GRM7: variants seen among roughly 807,000 people sequenced by gnomAD.
GRM7 encodes glutamate metabotropic receptor 7, also known as metabotropic glutamate receptor 7.
A neutral mutation model predicts 84.5 loss-of-function variants in GRM7; 35 were observed. The observed-to-expected ratio is 0.41, with a 90% CI of 0.32 to 0.55. The LOEUF (loss-of-function observed/expected upper bound fraction) is 0.55, where lower values mean the gene tolerates loss of function less well. Ranked by LOEUF, GRM7 falls within the 20% of genes least tolerant of loss-of-function variation. The pLI is 0.19. For synonymous variants in GRM7, 487 were observed against 455.1 expected, an observed-to-expected ratio of 1.07 and a Z score of -0.89; for missense variants, 1,003 against 1,194.6, an observed-to-expected ratio of 0.84 and a Z score of 2.36.
At chr3:6,951,038 C>T (rs546407333) in intron 1 of GRM7, among the ~76,000 whole-genome samples, 21 of 152,286 alleles carry the variant, frequency 1.4e-4, no homozygotes, top group East Asian at 3.9e-4. Context: ...CTTCGGCTCA[C>T]GCACAGTGCG....
At chr3:7,356,297 A>ATTTTT (rs1011380269) in intron 4 of GRM7, among the ~76,000 whole-genome samples, 6 of 149,024 alleles carry the variant, frequency 4.0e-5, no homozygotes, top group African/African-American at 1.5e-4. Context: ...GCAGAGGAGG[A>ATTTTT]TTTTTTTTTT....
chr3:7,169,994 TG>T (rs375481268), intron 2 of GRM7, among the ~76,000 whole-genome samples: 285 of 152,342 alleles, frequency 1.9e-3, no homozygotes, highest in African/African-American at 6.5e-3. Context: ...TACAGACCCC[TG>T]GGCCTCATCC....
chr3:7,613,609 C>G (rs2125081801), intron 8 of GRM7, among the ~76,000 whole-genome samples: 1 of 152,228 alleles, frequency 6.6e-6, no homozygotes, highest in African/African-American at 2.4e-5. Context: ...GCTTTAACAA[C>G]AAGGGAAGAT....
intron 1 of GRM7, among the ~76,000 whole-genome samples, chr3:7,063,716 TTGGGAGAGA>T (rs1697515081): frequency 2.0e-5 from 1 of 49,616 alleles, no homozygotes; most frequent in African/African-American, 1.1e-4. Context: ...AAACTCCCAG[TTGGGAGAGA>T]CCCAAGGTCA....
chr3:7,643,314 G>A (rs1011524754), intron 8 of GRM7, among the ~76,000 whole-genome samples: 5 of 112,818 alleles, frequency 4.4e-5, no homozygotes, highest in Non-Finnish European at 9.0e-5. Flanking sequence ...TACGCAGGGA[G>A]CCCAATGAAA....
intron 1 of GRM7, among the ~76,000 whole-genome samples, chr3:6,883,431 C>T (rs1695583875): frequency 1.3e-5 from 2 of 152,110 alleles, no homozygotes; most frequent in African/African-American, 2.4e-5. Flanking sequence ...CACTCTCTTA[C>T]ATTTTATAAT....
At chr3:7,653,553 G>C (rs1432919204) in intron 8 of GRM7, among the ~76,000 whole-genome samples, 1 of 152,114 alleles carries the variant, frequency 6.6e-6, no homozygotes, top group African/African-American at 2.4e-5. Flanking sequence ...TGCCCCTCAA[G>C]TCTCTCCATG....
chr3:7,501,388 A>C (rs1699877893), intron 7 of GRM7, among the ~76,000 whole-genome samples: 1 of 152,194 alleles, frequency 6.6e-6, no homozygotes, highest in Non-Finnish European at 1.5e-5. Flanking sequence ...TTAAGAATTT[A>C]TTTTGCCATT....
Position 7,674,343 on chromosome 3 carries a change from C to A in GRM7, c.2452-5706C>A, listed in dbSNP as rs113927054. Among the ~76,000 whole-genome samples, 447 of 152,052 alleles carry A rather than the reference C, an allele frequency of 2.9e-3. 3 individuals are homozygous for A. Among genetic ancestry groups the A allele is most frequent in the African/African-American group, 0.01 (430 of 41,478 alleles). On this transcript the variant is annotated intron_variant, in intron 8 of 9. Transcript: ENST00000357716. ...AGTAGCTGGGATTACAGGCACCCAC[C>A]ACCCCACCTAGCTAACCGTTGTATT... is the stretch of plus-strand genomic sequence containing the variant.
intron 8 of GRM7, among the ~76,000 whole-genome samples, chr3:7,662,800 T>C (rs77364011): frequency 6.6e-6 from 1 of 152,182 alleles, no homozygotes; most frequent in African/African-American, 2.4e-5. Flanking sequence ...TTCTGAAAAA[T>C]TTTTAAGTAT....
chr3:7,434,468 T>C (rs1696961063), intron 5 of GRM7, among the ~76,000 whole-genome samples: 1 of 152,206 alleles, frequency 6.6e-6, no homozygotes, highest in East Asian at 1.9e-4. Context: ...AAGGAGTTTC[T>C]TTCCATTTTC....
intron 8 of GRM7, among the ~76,000 whole-genome samples, chr3:7,658,098 A>G (rs2125120735): frequency 6.6e-6 from 1 of 152,318 alleles, no homozygotes; most frequent in Admixed American, 6.5e-5. Flanking sequence ...AGGTGCATCA[A>G]AAGGTATTCC....
intron 2 of GRM7, among the ~76,000 whole-genome samples, chr3:7,178,804 C>T (rs549306454): frequency 1.3e-4 from 20 of 151,872 alleles, no homozygotes; most frequent in African/African-American, 3.4e-4. Flanking sequence ...TGTTAGGCTG[C>T]GCACCATGGC....
rs76286342 is a variant in GRM7 at position 7,687,713 on chromosome 3, T to C, written c.2698+7418T>C. ...CATGGGACTTTTATCAGATCACTGTTCTGGTTCTTCCCATCCTTGTTTGTG... is the reference window on the plus strand; with the variant it reads ...CATGGGACTTTTATCAGATCACTGTCCTGGTTCTTCCCATCCTTGTTTGTG... On this transcript the variant is annotated intron_variant, in intron 9 of 9. Coordinates refer to ENST00000357716, the MANE Select transcript of GRM7 (RefSeq NM_000844.4). 3.8e-4 allele frequency among the ~76,000 whole-genome samples: 58 copies of C among 152,282 alleles called. No individual in the cohort carries two copies. In the East Asian group the frequency reaches 0.011, roughly 28 times the overall value.
chr3:7,707,283 T>G (rs1168361399), intron 9 of GRM7, among the ~76,000 whole-genome samples: 1 of 152,144 alleles, frequency 6.6e-6, no homozygotes, highest in Non-Finnish European at 1.5e-5. Context: ...TTGGGCTACA[T>G]TTCAGCATTT....
chr3:7,041,013 G>GT (rs1696586383), intron 1 of GRM7, among the ~76,000 whole-genome samples: 2 of 150,610 alleles, frequency 1.3e-5, no homozygotes, highest in Non-Finnish European at 2.9e-5. Flanking sequence ...TACCTGGGAG[G>GT]TTAAGGCTGC....
chr3:7,714,519 T>C (rs1701706865), intron 9 of GRM7, among the ~76,000 whole-genome samples: 1 of 152,200 alleles, frequency 6.6e-6, no homozygotes, highest in Non-Finnish European at 1.5e-5. Context: ...AGGGGCTTGT[T>C]AGAAATGCAT....
chr3:6,995,836 C>T (rs112328281), intron 1 of GRM7, among the ~76,000 whole-genome samples: 1,654 of 152,192 alleles, frequency 0.011, 26 homozygotes, highest in African/African-American at 0.037. Context: ...GAAGAAGTTT[C>T]CTGACTTCTT....
chr3:6,912,787 A>G (rs1696816199), intron 1 of GRM7, among the ~76,000 whole-genome samples: 2 of 152,202 alleles, frequency 1.3e-5, no homozygotes, highest in Non-Finnish European at 2.9e-5. Flanking sequence ...ATAGTGATCA[A>G]AGATTGATTT....
Sources: allele counts gnomAD v4.1 joint callset (sites outside exome capture counted in the v4.1 genomes callset), GRCh38; gene constraint gnomAD v4.1.1; transcripts MANE v1.5; gene names NCBI Gene and HGNC (gene_info 2026-07-23, HGNC 2026-07-21).